The following FABP4 variants were observed in gnomAD, a reference collection of about 807,000 sequenced individuals.
FABP4 encodes the protein fatty acid binding protein 4.
A neutral mutation model predicts 14.6 loss-of-function variants in FABP4; 17 were observed. The ratio of observed to expected loss-of-function variants is 1.16; its 90% CI spans 0.80 to 1.74. The LOEUF (loss-of-function observed/expected upper bound fraction) is 1.74. Among genes scored for constraint, FABP4 ranks in the 40% most tolerant of loss-of-function variants. FABP4 has a pLI of 0.00. For missense variants in FABP4, 149 were observed against 160.3 expected (o/e 0.93, Z 0.38); for synonymous variants, 54 against 54.6 (o/e 0.99, Z 0.05).
At chr8:81,480,652 T>C in intron 1 of FABP4, 54 bp from the exon 2 acceptor site, 4 of 1,522,008 alleles carry the variant, frequency 2.6e-6, no homozygotes, top group Admixed American at 1.9e-5. Context: ...CACGTACTTA[T>C]CCAAGTCAGA....
intron 2 of FABP4, 22 bp downstream of exon 2, chr8:81,480,404 G>A: frequency 6.2e-7 from 1 of 1,610,416 alleles, no homozygotes. Flanking sequence ...CATGTACTCT[G>A]TGCCACTTCC....
rs763497424 is a variant in FABP4, at chr8:81,480,479, A to G, written c.193T>C (p.Phe65Leu). 14 of 1,613,780 alleles carry G rather than the reference A, an allele frequency of 8.7e-6. No individual in the cohort carries two copies. The East Asian group carries it at 3.1e-4, about 36-fold the overall frequency. ...ESTFKNTEISFILGQEFDEVT... is the reference protein window; with the variant it reads ...ESTFKNTEISLILGQEFDEVT... ...TCGTCAAATTCCTGGCCCAGTATGA[A>G]GGAAATCTCAGTATTTTTAAAGGTA... is the stretch of plus-strand genomic sequence containing the variant. Residue 65 changes from phenylalanine to leucine, a missense_variant, in exon 2 of 4, where the codon TTC becomes CTC. Physicochemically the swap from Phe to Leu is conservative, Grantham distance 22. Transcript: ENST00000256104.
chr8:81,480,924 G>A (rs977948057), intron 1 of FABP4, among the ~76,000 whole-genome samples: 3 of 152,052 alleles, frequency 2.0e-5, no homozygotes, highest in African/African-American at 4.8e-5. Flanking sequence ...ATGTATAAAG[G>A]TTAAGTGGTT....
rs2129791048 is a variant in FABP4 at position 81,478,895 on chromosome 8, G to A, written c.369C>T (p.Val123=). ...KLVVECVMKG[V]TSTRVYERA ...CTCTCTCATAAACTCTCGTGGAAGT[G>A]ACGCCTTTCATGACGCATTCCTAGA... The change falls in exon 4 of 4, where the codon GTC becomes GTT. Residue 123 remains valine (V), a synonymous_variant. Transcript: ENST00000256104. The A allele has an allele frequency of 6.2e-7, 1 of 1,613,234 alleles. No individual in the cohort carries two copies. The highest frequency in any genetic ancestry group is 8.5e-7 in the Non-Finnish European group (1 of 1,179,408).
intron 3 of FABP4, 84 bp from the exon 4 acceptor site, chr8:81,478,999 C>T (rs760244146): frequency 6.2e-5 from 71 of 1,150,070 alleles, no homozygotes; most frequent in Non-Finnish European, 8.4e-5. Context: ...GGGAATAAAA[C>T]AATATTCATT....
chr8:81,478,846 C>G lies in FABP4; in HGVS notation c.*19G>C, dbSNP rs1198105474. Reference sequence around the variant, plus strand: ...GTAGAGTTCAATGCGAACTTCAGTCCAGGTCAACGTCCCTTGGCTTATGCT... The same window carrying G: ...GTAGAGTTCAATGCGAACTTCAGTCGAGGTCAACGTCCCTTGGCTTATGCT... On this transcript the variant is annotated 3_prime_UTR_variant, in exon 4 of 4. Transcript: ENST00000256104. The G allele has an allele frequency of 3.1e-6, 5 of 1,609,680 alleles. No individual in the cohort carries two copies. Among genetic ancestry groups the G allele is most frequent in the Non-Finnish European group, 4.2e-6 (5 of 1,176,940 alleles).
chr8:81,482,940 T>C (rs1331332671), intron 1 of FABP4, among the ~76,000 whole-genome samples, 155 bp downstream of exon 1: 1 of 152,182 alleles, frequency 6.6e-6, no homozygotes, highest in Non-Finnish European at 1.5e-5. Context: ...TAGAAACAAA[T>C]GATTATCACT....
At chr8:81,481,368 G>C (rs1327556727) in intron 1 of FABP4, among the ~76,000 whole-genome samples, 5 of 152,144 alleles carry the variant, frequency 3.3e-5, no homozygotes, top group African/African-American at 1.2e-4. Context: ...GTTTAAAATA[G>C]GTTAGAAGCC....
intron 3 of FABP4, among the ~76,000 whole-genome samples, chr8:81,479,139 A>G (rs2129791821): frequency 6.6e-6 from 1 of 152,306 alleles, no homozygotes; most frequent in South Asian, 2.1e-4. Context: ...TGACTGAGAA[A>G]CATAAGCAGA....
intron 1 of FABP4, among the ~76,000 whole-genome samples, chr8:81,482,869 AC>A (rs1471446854): frequency 1.3e-5 from 2 of 152,176 alleles, no homozygotes; most frequent in Admixed American, 6.5e-5. Context: ...CCATTTAGAC[AC>A]CTTTTTATAT....
At position 81,478,719 on chromosome 8, in the gene FABP4, A is replaced by G. The variant is rs150699129; in HGVS notation, c.*146T>C. 1,131 of 662,908 alleles carry G rather than the reference A, an allele frequency of 1.7e-3. 27 individuals are homozygous for G. In the Admixed American group the frequency reaches 0.03, roughly 18 times the overall value. 41.1% of individuals were successfully genotyped at this position (662,908 alleles called of 1,614,324 possible). A position where few individuals can be genotyped will look rare whatever the true frequency, so the allele number is the denominator to read the frequency against. ...AATCTAAAAAAAGTTTATTTAACCA[A>G]CGTAACCATATTGAATAAAATCAGC... On this transcript the variant is annotated 3_prime_UTR_variant, in exon 4 of 4. Transcript: ENST00000256104.
In FABP4 at chr8:81,478,600, A is replaced by T; in HGVS notation, c.*265T>A. 2.8e-6 allele frequency: 1 copy of T among 359,042 alleles called. No individual in the cohort carries two copies. Among genetic ancestry groups the T allele is most frequent in the Non-Finnish European group, 5.1e-6 (1 of 197,458 alleles). 22.2% of individuals were successfully genotyped at this position (359,042 alleles called of 1,614,324 possible). On this transcript the variant is annotated 3_prime_UTR_variant, in exon 4 of 4. Coordinates refer to ENST00000256104, the MANE Select transcript of FABP4 (RefSeq NM_001442.3). The stretch of plus-strand genomic sequence containing the variant: ...GAAATATGTTATTATTCATATCAGA[A>T]CAAAGAAATAATGCAAATTTCCCAT...
chr8:81,480,372 C>T, intron 2 of FABP4, 54 bp downstream of exon 2: 2 of 1,505,302 alleles, frequency 1.3e-6, no homozygotes, highest in South Asian at 2.5e-5. Context: ...TTTCTTATAG[C>T]AGTGGTGATT....
chr8:81,479,330 G>T, intron 3 of FABP4, 84 bp downstream of exon 3: 1 of 1,096,196 alleles, frequency 9.1e-7, no homozygotes, highest in East Asian at 2.4e-5. Context: ...TAATCAAAAG[G>T]AAAATCTGTT....
intron 1 of FABP4, among the ~76,000 whole-genome samples, chr8:81,481,504 T>C (rs1461245736): frequency 6.6e-6 from 1 of 152,204 alleles, no homozygotes; most frequent in Non-Finnish European, 1.5e-5. Flanking sequence ...GCTGACACTG[T>C]GTATGTCATG....
At position 81,483,144 on chromosome 8, in the gene FABP4, G is replaced by T; in HGVS notation, c.24C>A (p.Thr8=). MCDAFVG[T]WKLVSSENFD... Reference sequence around the variant, plus strand: ...AGTTTTCACTGGAGACAAGTTTCCAGGTACCTACAAAAGCATCACACATTT... The same window carrying T: ...AGTTTTCACTGGAGACAAGTTTCCATGTACCTACAAAAGCATCACACATTT... The change falls in exon 1 of 4, where the codon ACC becomes ACA. Residue 8 remains threonine, a synonymous_variant. Coordinates refer to ENST00000256104, the MANE Select transcript of FABP4 (RefSeq NM_001442.3). 6.2e-7 allele frequency: 1 copy of T among 1,610,652 alleles called. No homozygotes were observed. Among genetic ancestry groups the T allele is most frequent in the Non-Finnish European group, 8.5e-7 (1 of 1,178,478 alleles).
In FABP4 at chr8:81,478,910, G is replaced by T. The variant is rs372210964; in HGVS notation, c.354C>A (p.Cys118Ter). 8 of 1,612,628 alleles carry T rather than the reference G, an allele frequency of 5.0e-6. No homozygotes were observed. The highest frequency in any genetic ancestry group is 5.9e-6 in the Non-Finnish European group (7 of 1,179,080). ...KREDDKLVVE[C>*]VMKGVTSTRV... ...TCGTGGAAGTGACGCCTTTCATGAC[G>T]CATTCCTAGACACAAAAAACAATTC... The change falls in exon 4 of 4, where the codon TGC (cysteine) becomes TGA (stop). Residue 118 changes from cysteine (C) to a stop codon, truncating the protein, a stop_gained. Coordinates refer to ENST00000256104, the MANE Select transcript of FABP4 (RefSeq NM_001442.3). LOFTEE classifies it high-confidence loss of function.
At chr8:81,482,095 C>G (rs1441648029) in intron 1 of FABP4, among the ~76,000 whole-genome samples, 2 of 152,114 alleles carry the variant, frequency 1.3e-5, no homozygotes, top group African/African-American at 2.4e-5. Context: ...TCTAGAAAGT[C>G]TCTCTCATGC....
chr8:81,478,621 C>T lies in FABP4; in HGVS notation c.*244G>A. ...CAGAACAAAGAAATAATGCAAATTT[C>T]CCATTTCCTTCACTCAGTTATGACT... On this transcript the variant is annotated 3_prime_UTR_variant, in exon 4 of 4. Transcript: ENST00000256104. The T allele has an allele frequency of 2.6e-6, 1 of 378,500 alleles. No homozygotes were observed. Among genetic ancestry groups the T allele is most frequent in the Non-Finnish European group, 4.8e-6 (1 of 209,916 alleles). The allele number at this position is 378,500 out of a possible 1,614,324, so 23.4% of individuals were successfully genotyped here.
Sources: gnomAD v4.1 joint callset for allele counts (sites outside exome capture counted in the v4.1 genomes callset) on GRCh38, gnomAD v4.1.1 for gene constraint, MANE v1.5 for transcripts, NCBI Gene and HGNC (gene_info 2026-07-23, HGNC 2026-07-21) for gene names.